Variants in ADARB2 observed in about 807,000 individuals in gnomAD.
ADARB2 encodes adenosine deaminase RNA specific B2 (inactive).
ADARB2 carries 25 observed loss-of-function variants against 62.2 expected under a neutral mutation model. That is an observed-to-expected ratio of 0.40 (90% confidence interval 0.29 to 0.56). The LOEUF (loss-of-function observed/expected upper bound fraction) is 0.56, where lower values mean the gene tolerates loss of function less well. Among genes scored for constraint, ADARB2 ranks in the 20% least tolerant of loss-of-function variants. ADARB2 has a pLI of 0.43. For synonymous variants in ADARB2, 572 were observed against 500.8 expected (o/e 1.14, Z -1.90); for missense variants, 1,071 against 1,077.4 (o/e 0.99, Z 0.08).
At chr10:1,520,978 G>A (rs1028964815) in intron 1 of ADARB2, among the ~76,000 whole-genome samples, 42 of 152,100 alleles carry the variant, frequency 2.8e-4, no homozygotes, top group African/African-American at 9.7e-4. Flanking sequence ...TTTCAGAAAC[G>A]TCAAATGGGT....
At chr10:1,720,493 A>G (rs939772148) in intron 1 of ADARB2, among the ~76,000 whole-genome samples, 2 of 152,246 alleles carry the variant, frequency 1.3e-5, no homozygotes, top group Admixed American at 1.3e-4. Context: ...AAACTCACAC[A>G]TGTTAACTGA....
intron 1 of ADARB2, among the ~76,000 whole-genome samples, chr10:1,381,381 G>C (rs1588239262): frequency 6.6e-6 from 1 of 152,338 alleles, no homozygotes; most frequent in Non-Finnish European, 1.5e-5. Flanking sequence ...CACCCATTAG[G>C]ATGTTTATTA....
chr10:1,269,347 G>A (rs763536924), intron 4 of ADARB2, among the ~76,000 whole-genome samples: 1 of 152,160 alleles, frequency 6.6e-6, no homozygotes, highest in Non-Finnish European at 1.5e-5. Flanking sequence ...AGAGCCACAA[G>A]GGTAGGCATT....
chr10:1,554,860 G>A (rs1234419519), intron 1 of ADARB2, among the ~76,000 whole-genome samples: 1 of 152,086 alleles, frequency 6.6e-6, no homozygotes, highest in Admixed American at 6.6e-5. Flanking sequence ...AGTGAGCATA[G>A]AACCCAATAG....
intron 1 of ADARB2, among the ~76,000 whole-genome samples, chr10:1,399,021 A>G (rs1832639524): frequency 6.6e-6 from 1 of 152,182 alleles, no homozygotes; most frequent in Non-Finnish European, 1.5e-5. Context: ...CAGCGGGGCC[A>G]CGACAAATGT....
chr10:1,731,937 A>C (rs2119048692), intron 1 of ADARB2, among the ~76,000 whole-genome samples: 1 of 152,358 alleles, frequency 6.6e-6, no homozygotes. Flanking sequence ...AATGTGGAAA[A>C]TTATCCTTTT....
At chr10:1,558,182 G>A (rs1303098290) in intron 1 of ADARB2, among the ~76,000 whole-genome samples, 1 of 152,026 alleles carries the variant, frequency 6.6e-6, no homozygotes, top group Non-Finnish European at 1.5e-5. Context: ...CCGTCTCCCC[G>A]GAGAGACCCC....
intron 1 of ADARB2, among the ~76,000 whole-genome samples, chr10:1,382,295 C>G (rs1482940256): frequency 6.6e-6 from 1 of 152,178 alleles, no homozygotes; most frequent in East Asian, 1.9e-4. Flanking sequence ...AGCAACCAAA[C>G]TGAAGCAAAG....
chr10:1,415,668 C>T (rs1256375100), intron 1 of ADARB2, among the ~76,000 whole-genome samples: 1 of 151,900 alleles, frequency 6.6e-6, no homozygotes, highest in Admixed American at 6.5e-5. Context: ...AAGAAAACTG[C>T]CATAATGAAG....
At chr10:1,418,422 G>A (rs893847829) in intron 1 of ADARB2, among the ~76,000 whole-genome samples, 1 of 152,148 alleles carries the variant, frequency 6.6e-6, no homozygotes, top group Non-Finnish European at 1.5e-5. Context: ...GAGACGCCAC[G>A]GGGGAGCCTT....
At chr10:1,229,684 TTGTG>T (rs368999020) in intron 6 of ADARB2, among the ~76,000 whole-genome samples, 19 of 21,520 alleles carry the variant, frequency 8.8e-4, no homozygotes, top group South Asian at 4.7e-3. Context: ...ATGTATGTGT[TTGTG>T]TGTGCACATG....
chr10:1,418,124 G>A (rs190857580), intron 1 of ADARB2, among the ~76,000 whole-genome samples: 24 of 152,320 alleles, frequency 1.6e-4, no homozygotes, highest in African/African-American at 5.5e-4. Flanking sequence ...GTGGAGGGAC[G>A]TTTCCGTAAA....
At chr10:1,338,817 A>C (rs1831996923) in intron 3 of ADARB2, among the ~76,000 whole-genome samples, 1 of 152,122 alleles carries the variant, frequency 6.6e-6, no homozygotes, top group African/African-American at 2.4e-5. Flanking sequence ...CAGGTTCTGG[A>C]AACAGGGCGG....
intron 8 of ADARB2, among the ~76,000 whole-genome samples, chr10:1,197,395 A>G (rs1362737629): frequency 6.6e-6 from 1 of 152,250 alleles, no homozygotes; most frequent in Non-Finnish European, 1.5e-5. Context: ...TTCAGTACAT[A>G]TGTGACTTCA....
At chr10:1,654,553 G>A (rs547059992) in intron 1 of ADARB2, among the ~76,000 whole-genome samples, 15 of 152,216 alleles carry the variant, frequency 9.9e-5, no homozygotes, top group African/African-American at 2.9e-4. Flanking sequence ...CAGCTTCCCC[G>A]CAGGGTGGCA....
Position 1,183,071 on chromosome 10 carries a change from G to T in ADARB2, c.*122C>A. On this transcript the variant is annotated 3_prime_UTR_variant, in exon 10 of 10. Coordinates refer to ENST00000381312, the MANE Select transcript of ADARB2 (RefSeq NM_018702.4). ...GCTCGTCCAAACATTGCACACTCGCGTGTTTCTGGGACACCAAAGTAAAAC... is the reference window on the plus strand; with the variant it reads ...GCTCGTCCAAACATTGCACACTCGCTTGTTTCTGGGACACCAAAGTAAAAC... 1 of 1,136,534 alleles carries T rather than the reference G, an allele frequency of 8.8e-7. No homozygotes were observed. Among genetic ancestry groups the T allele is most frequent in the Non-Finnish European group, 1.2e-6 (1 of 807,948 alleles). The allele number at this position is 1,136,534 out of a possible 1,614,324, so 70.4% of individuals were successfully genotyped here. A position where few individuals can be genotyped will look rare whatever the true frequency, so the allele number is the denominator to read the frequency against.
intron 2 of ADARB2, 68 bp from the exon 3 acceptor site, chr10:1,363,985 C>G (rs924370195): frequency 7.1e-7 from 1 of 1,404,762 alleles, no homozygotes; most frequent in Non-Finnish European, 9.2e-7. Context: ...ACAGCAGGCA[C>G]TCCCTGAGGG....
At chr10:1,645,098 C>T (rs1467555805) in intron 1 of ADARB2, among the ~76,000 whole-genome samples, 1 of 152,228 alleles carries the variant, frequency 6.6e-6, no homozygotes, top group Admixed American at 6.5e-5. Context: ...AGAGGAGAAT[C>T]AGTGGGTCCT....
In ADARB2 at chr10:1,183,046, G is replaced by C. The variant is rs1450823951; in HGVS notation, c.*147C>G. 3 of 904,740 alleles carry C rather than the reference G, an allele frequency of 3.3e-6. No homozygotes were observed. In the African/African-American group the frequency reaches 5.0e-5, roughly 15 times the overall value. The allele number at this position is 904,740 out of a possible 1,614,324, so 56.0% of individuals were successfully genotyped here. On this transcript the variant is annotated 3_prime_UTR_variant, in exon 10 of 10. Coordinates refer to ENST00000381312, the MANE Select transcript of ADARB2 (RefSeq NM_018702.4). ...AGGCACGTTCTGAATTTGTGTTGTT[G>C]CTCGTCCAAACATTGCACACTCGCG... is the stretch of plus-strand genomic sequence containing the variant.
Sources: gnomAD v4.1 joint callset for allele counts (sites outside exome capture counted in the v4.1 genomes callset) on GRCh38, gnomAD v4.1.1 for gene constraint, MANE v1.5 for transcripts, NCBI Gene and HGNC (gene_info 2026-07-23, HGNC 2026-07-21) for gene names.